Variants in ANXA10 observed in about 807,000 individuals in gnomAD.
The protein encoded by ANXA10 is annexin A10.
Under a neutral mutation model 53.5 loss-of-function variants are expected in ANXA10, and 49 were observed. The observed-to-expected ratio is 0.92, with a 90% CI of 0.73 to 1.16. The LOEUF (loss-of-function observed/expected upper bound fraction) is 1.16, where lower values mean the gene tolerates loss of function less well. Ranked by LOEUF, ANXA10 falls within the 50% of genes most tolerant of loss-of-function variation. ANXA10 has a pLI of 0.00. For missense variants in ANXA10, 393 were observed against 394.4 expected (o/e 1.00, Z 0.03); for synonymous variants, 131 against 128.9 (o/e 1.02, Z -0.11).
chr4:168,141,746 CAG>C (rs568048825), intron 3 of ANXA10, among the ~76,000 whole-genome samples: 12 of 152,180 alleles, frequency 7.9e-5, no homozygotes, highest in African/African-American at 2.9e-4. Context: ...AATGGGCCAA[CAG>C]AGAGTCCTGG....
At chr4:168,117,158 A>C in intron 1 of ANXA10, among the ~76,000 whole-genome samples, 1 of 152,120 alleles carries the variant, frequency 6.6e-6, no homozygotes, top group Non-Finnish European at 1.5e-5. Flanking sequence ...TGGGAAGATC[A>C]CTTGAGCCTG....
intron 3 of ANXA10, among the ~76,000 whole-genome samples, chr4:168,142,516 C>T (rs1425499673): frequency 1.3e-5 from 2 of 152,278 alleles, no homozygotes; most frequent in East Asian, 3.9e-4. Context: ...CCCACCAGAT[C>T]GAGTGGAACA....
intron 1 of ANXA10, among the ~76,000 whole-genome samples, chr4:168,095,410 T>C (rs1385343505): frequency 6.6e-6 from 1 of 152,028 alleles, no homozygotes; most frequent in Non-Finnish European, 1.5e-5. Context: ...ATAATATTTA[T>C]TGACTGACAG....
At chr4:168,130,271 T>A (rs1456499804) in intron 2 of ANXA10, among the ~76,000 whole-genome samples, 1 of 152,094 alleles carries the variant, frequency 6.6e-6, no homozygotes, top group Non-Finnish European at 1.5e-5. Context: ...ATGGATGACA[T>A]AACTGATTTT....
intron 3 of ANXA10, among the ~76,000 whole-genome samples, chr4:168,145,563 G>C (rs1336555210): frequency 6.6e-6 from 1 of 152,142 alleles, no homozygotes; most frequent in Non-Finnish European, 1.5e-5. Flanking sequence ...AATTGCCTCG[G>C]TTGTAAGTTT....
At chr4:168,093,788 C>A (rs180702015) in intron 1 of ANXA10, among the ~76,000 whole-genome samples, 1 of 152,274 alleles carries the variant, frequency 6.6e-6, no homozygotes, top group Non-Finnish European at 1.5e-5. Flanking sequence ...GTAATCAATG[C>A]AGGAAAATTT....
intron 3 of ANXA10, among the ~76,000 whole-genome samples, chr4:168,155,967 T>TAC (rs1731645343): frequency 1.5e-5 from 1 of 68,042 alleles, no homozygotes; most frequent in African/African-American, 6.3e-5. Context: ...TCATATATTA[T>TAC]ATTATATGAT....
intron 1 of ANXA10, among the ~76,000 whole-genome samples, chr4:168,096,926 A>ATATATATG (rs371811709): frequency 5.4e-5 from 7 of 129,914 alleles, no homozygotes; most frequent in African/African-American, 1.8e-4. Flanking sequence ...ATATATATAT[A>ATATATATG]TATGTATGTA....
At chr4:168,149,362 A>G (rs149342388) in intron 3 of ANXA10, among the ~76,000 whole-genome samples, 1 of 152,222 alleles carries the variant, frequency 6.6e-6, no homozygotes, top group East Asian at 1.9e-4. Flanking sequence ...TTTAAAATGT[A>G]TTTTCCCAAT....
intron 3 of ANXA10, among the ~76,000 whole-genome samples, chr4:168,158,598 A>G (rs1731728825): frequency 6.6e-6 from 1 of 152,160 alleles, no homozygotes; most frequent in African/African-American, 2.4e-5. Context: ...AATAGAATAT[A>G]TCAGTAAGAG....
At chr4:168,124,956 A>G (rs1386236264) in intron 1 of ANXA10, among the ~76,000 whole-genome samples, 1 of 152,224 alleles carries the variant, frequency 6.6e-6, no homozygotes, top group Non-Finnish European at 1.5e-5. Flanking sequence ...AAATTAAAAG[A>G]AGGCAAATTA....
chr4:168,173,316 T>C (rs1272015706), intron 6 of ANXA10, among the ~76,000 whole-genome samples: 1 of 152,192 alleles, frequency 6.6e-6, no homozygotes, highest in African/African-American at 2.4e-5. Flanking sequence ...ACTATAATAG[T>C]AAATGAATTC....
intron 2 of ANXA10, among the ~76,000 whole-genome samples, chr4:168,129,633 C>T (rs1362009568): frequency 6.6e-6 from 1 of 152,030 alleles, no homozygotes; most frequent in Admixed American, 6.6e-5. Context: ...ATGACTCTGG[C>T]GAAGTGTTAT....
At chr4:168,123,283 C>A (rs1240977014) in intron 1 of ANXA10, among the ~76,000 whole-genome samples, 11 of 151,344 alleles carry the variant, frequency 7.3e-5, no homozygotes, top group African/African-American at 1.2e-4. Context: ...AATGGAAAAA[C>A]AAAAAAAACC....
intron 10 of ANXA10, 35 bp from the exon 11 acceptor site, chr4:168,184,524 T>C: frequency 2.5e-6 from 4 of 1,611,430 alleles, no homozygotes; most frequent in Non-Finnish European, 2.5e-6. Context: ...TAGGATGCTG[T>C]CTTCTCATTT....
chr4:168,160,835 G>A (rs1459089951), intron 3 of ANXA10, among the ~76,000 whole-genome samples: 10 of 152,128 alleles, frequency 6.6e-5, no homozygotes, highest in Non-Finnish European at 1.5e-5. Context: ...CTTTCCATGT[G>A]TTTGTTGGCT....
At chr4:168,130,641 T>C (rs1288686105) in intron 2 of ANXA10, among the ~76,000 whole-genome samples, 1 of 151,982 alleles carries the variant, frequency 6.6e-6, no homozygotes, top group African/African-American at 2.4e-5. Flanking sequence ...CCGACTTAAG[T>C]TTTTGATAGA....
intron 3 of ANXA10, among the ~76,000 whole-genome samples, chr4:168,148,602 T>C (rs1244616706): frequency 6.6e-6 from 1 of 152,248 alleles, no homozygotes; most frequent in East Asian, 1.9e-4. Context: ...TAGGCACATA[T>C]TATTATTGAT....
At chr4:168,111,465 G>T (rs898284046) in intron 1 of ANXA10, among the ~76,000 whole-genome samples, 5 of 152,016 alleles carry the variant, frequency 3.3e-5, no homozygotes, top group African/African-American at 4.8e-5. Flanking sequence ...GAGTAGAAAA[G>T]CATAAAATTG....
Sources: gnomAD v4.1 joint callset for allele counts (sites outside exome capture counted in the v4.1 genomes callset) on GRCh38, gnomAD v4.1.1 for gene constraint, MANE v1.5 for transcripts, NCBI Gene and HGNC (gene_info 2026-07-23, HGNC 2026-07-21) for gene names.